The following KALRN variants were observed in gnomAD, a reference collection of about 807,000 sequenced individuals.
KALRN encodes kalirin RhoGEF kinase, also known as kalirin.
A neutral mutation model predicts 353.7 loss-of-function variants in KALRN; 70 were observed. That is an observed-to-expected ratio of 0.20 (90% CI 0.16 to 0.24). The LOEUF is 0.24. Ranked by LOEUF, KALRN falls within the 10% of genes least tolerant of loss-of-function variation. The pLI is 1.00. For synonymous variants in KALRN, 1,391 were observed against 1,434.8 expected (o/e 0.97, Z 0.69); for missense variants, 2,791 against 3,756.7 (o/e 0.74, Z 6.72).
At chr3:124,134,389 A>C (rs554324406) in intron 1 of KALRN, among the ~76,000 whole-genome samples, 2 of 152,222 alleles carry the variant, frequency 1.3e-5, no homozygotes, top group Non-Finnish European at 2.9e-5. Flanking sequence ...CTCAAGGTGG[A>C]TTAAAGACTT....
chr3:124,616,530 T>G (rs1436213991), intron 34 of KALRN, among the ~76,000 whole-genome samples: 1 of 152,210 alleles, frequency 6.6e-6, no homozygotes, highest in Non-Finnish European at 1.5e-5. Context: ...ATAGCCAAGC[T>G]CAATGAAATT....
At chr3:124,516,382 G>C (rs1469394510) in intron 33 of KALRN, among the ~76,000 whole-genome samples, 1 of 152,110 alleles carries the variant, frequency 6.6e-6, no homozygotes, top group African/African-American at 2.4e-5. Context: ...TGAGGGCAAT[G>C]GTATTACCCA....
chr3:124,194,708 C>T (rs528057277), intron 1 of KALRN, among the ~76,000 whole-genome samples: 1 of 152,128 alleles, frequency 6.6e-6, no homozygotes, highest in Non-Finnish European at 1.5e-5. Context: ...AGGTGTATCT[C>T]CTGGTGCAGC....
intron 10 of KALRN, among the ~76,000 whole-genome samples, chr3:124,366,894 A>G (rs1204531855): frequency 1.1e-5 from 1 of 92,724 alleles, no homozygotes; most frequent in Non-Finnish European, 2.0e-5. Context: ...TGACCCCCCC[A>G]CCTCCCTCCC....
intron 11 of KALRN, among the ~76,000 whole-genome samples, chr3:124,389,497 T>G (rs1041612882): frequency 2.0e-5 from 3 of 152,200 alleles, no homozygotes; most frequent in African/African-American, 7.2e-5. Flanking sequence ...AATTCTTTAT[T>G]TATTGTAGGA....
At chr3:124,369,661 T>C (rs1417459146) in intron 10 of KALRN, among the ~76,000 whole-genome samples, 1 of 152,230 alleles carries the variant, frequency 6.6e-6, no homozygotes, top group Non-Finnish European at 1.5e-5. Context: ...TAACTATAGA[T>C]GCTATGTTGT....
At chr3:124,150,114 TAGGGTTGTTAATCTTCATTAG>T in intron 1 of KALRN, among the ~76,000 whole-genome samples, 1 of 152,340 alleles carries the variant, frequency 6.6e-6, no homozygotes, top group East Asian at 1.9e-4. Context: ...ATGTAAATAT[TAGGGTTGTTAATCTTCATTAG>T]AGGGTGTTAG....
At chr3:124,310,320 T>A (rs986048584) in intron 6 of KALRN, among the ~76,000 whole-genome samples, 2 of 152,164 alleles carry the variant, frequency 1.3e-5, no homozygotes, top group African/African-American at 4.8e-5. Flanking sequence ...CTTAATATTG[T>A]TAGGATGGCA....
chr3:124,527,514 C>A (rs1183038526), intron 33 of KALRN, among the ~76,000 whole-genome samples: 1 of 151,646 alleles, frequency 6.6e-6, no homozygotes, highest in East Asian at 1.9e-4. Flanking sequence ...GAGGCTGAGG[C>A]AGGAGAATCG....
intron 10 of KALRN, among the ~76,000 whole-genome samples, chr3:124,374,985 T>A (rs1350252399): frequency 6.6e-6 from 1 of 152,258 alleles, no homozygotes; most frequent in Non-Finnish European, 1.5e-5. Context: ...GGGCAGTCTA[T>A]GTATCCACAT....
chr3:124,694,283 A>G, intron 52 of KALRN, 49 bp from the exon 53 acceptor site: 1 of 1,574,478 alleles, frequency 6.4e-7, no homozygotes, highest in Non-Finnish European at 8.7e-7. Flanking sequence ...TGGCCATTTT[A>G]TTCTAAATTT....
rs1561136945 is a variant in KALRN, at chr3:124,495,992, T to TATATATAC, written c.4833-312_4833-311insCATATATA. Among the ~76,000 whole-genome samples, 106 of 55,894 alleles carry TATATATAC rather than the reference T, an allele frequency of 1.9e-3. 7 individuals carry two copies. The highest frequency in any genetic ancestry group is 8.2e-3 in the African/African-American group (80 of 9,770). The allele number at this position is 55,894 out of a possible 152,430, so 36.7% of individuals were successfully genotyped here. On this transcript the variant is annotated intron_variant, in intron 32 of 59. Coordinates refer to ENST00000682506, the MANE Select transcript of KALRN (RefSeq NM_001388419.1). ...ATATATATATATATATATATATATA[T>TATATATAC]ATATATATATATATATATATACACA...
chr3:124,173,239 T>C (rs1487807831), intron 1 of KALRN, among the ~76,000 whole-genome samples: 1 of 152,202 alleles, frequency 6.6e-6, no homozygotes, highest in Non-Finnish European at 1.5e-5. Flanking sequence ...TTTTTCAAAA[T>C]TTGATGAACA....
At chr3:124,320,329 C>T (rs1296479380) in intron 6 of KALRN, among the ~76,000 whole-genome samples, 2 of 152,200 alleles carry the variant, frequency 1.3e-5, no homozygotes, top group African/African-American at 4.8e-5. Flanking sequence ...TCACACCTTT[C>T]ATGTTCATAG....
intron 1 of KALRN, among the ~76,000 whole-genome samples, chr3:124,106,187 A>T (rs978421068): frequency 6.6e-6 from 1 of 152,194 alleles, no homozygotes; most frequent in Non-Finnish European, 1.5e-5. Flanking sequence ...AGGAGGGGGA[A>T]CACTTCCTCT....
chr3:124,297,816 T>C (rs1274994972), intron 5 of KALRN, among the ~76,000 whole-genome samples: 1 of 152,164 alleles, frequency 6.6e-6, no homozygotes, highest in East Asian at 1.9e-4. Flanking sequence ...CTTCCTGCAG[T>C]TGTCTTGGCT....
intron 3 of KALRN, among the ~76,000 whole-genome samples, chr3:124,249,906 T>C (rs2070878489): frequency 6.6e-6 from 1 of 152,146 alleles, no homozygotes; most frequent in African/African-American, 2.4e-5. Context: ...AGGTTTTTCC[T>C]CCATGTAAAC....
At chr3:124,408,259 GTTTTGT>G (rs778394278) in intron 13 of KALRN, among the ~76,000 whole-genome samples, 7 of 152,188 alleles carry the variant, frequency 4.6e-5, no homozygotes, top group Non-Finnish European at 7.4e-5. Context: ...TTTGTTTTTT[GTTTTGT>G]TTTTGTTTTT....
intron 33 of KALRN, among the ~76,000 whole-genome samples, chr3:124,513,559 C>A (rs1314321102): frequency 6.6e-6 from 1 of 152,168 alleles, no homozygotes; most frequent in Non-Finnish European, 1.5e-5. Context: ...CTCCCACAGT[C>A]TAAGGACAGA....
Sources: gnomAD v4.1 joint callset for allele counts (sites outside exome capture counted in the v4.1 genomes callset) on GRCh38, gnomAD v4.1.1 for gene constraint, MANE v1.5 for transcripts, NCBI Gene and HGNC (gene_info 2026-07-23, HGNC 2026-07-21) for gene names.